The following STX7 variants were observed in gnomAD, a reference collection of about 807,000 sequenced individuals.
STX7 encodes syntaxin-7.
In STX7, 34 loss-of-function variants were observed where a neutral mutation model predicts 39.6. That is an observed-to-expected ratio of 0.86 (90% CI 0.65 to 1.14). The LOEUF is 1.14. Among genes scored for constraint, STX7 ranks in the 50% most tolerant of loss-of-function variants. STX7 has a pLI of 0.00. For missense variants in STX7, 284 were observed against 310.4 expected (o/e 0.92, Z 0.64); for synonymous variants, 119 against 99.1 (o/e 1.20, Z -1.19).
Position 132,502,145 on chromosome 6 carries a change from T to C in STX7, c.85+1301A>G, listed in dbSNP as rs373618086. ...ACCACTGTGCACAGCAGCACCTTTT[T>C]AGAGTCTAGTTTTATTCTCTTTGCT... On this transcript the variant is annotated intron_variant, in intron 2 of 9. Coordinates refer to ENST00000367941, the MANE Select transcript of STX7 (RefSeq NM_003569.3). Among the ~76,000 whole-genome samples the C allele has an allele frequency of 9.2e-5, 14 of 152,348 alleles. No individual in the cohort carries two copies. The South Asian group carries it at 2.9e-3, about 32-fold the overall frequency.
chr6:132,482,573 A>C (rs1048350148), intron 2 of STX7, among the ~76,000 whole-genome samples: 1 of 152,230 alleles, frequency 6.6e-6, no homozygotes, highest in African/African-American at 2.4e-5. Flanking sequence ...ATGTGCTAAA[A>C]GGACTGAAAG....
At chr6:132,469,379 T>G (rs565304216) in intron 7 of STX7, among the ~76,000 whole-genome samples, 2 of 152,336 alleles carry the variant, frequency 1.3e-5, no homozygotes, top group African/African-American at 4.8e-5. Flanking sequence ...AATACTAAGG[T>G]GGTCCATAGA....
chr6:132,467,151 C>T (rs181875664), intron 8 of STX7, among the ~76,000 whole-genome samples: 20 of 152,310 alleles, frequency 1.3e-4, no homozygotes, highest in Admixed American at 1.3e-3. Flanking sequence ...TCCTTGGCTT[C>T]TCATTCGTTT....
At chr6:132,504,577 G>T (rs1020673868) in intron 1 of STX7, among the ~76,000 whole-genome samples, 4 of 152,192 alleles carry the variant, frequency 2.6e-5, no homozygotes, top group African/African-American at 9.7e-5. Flanking sequence ...TGGTCAATTT[G>T]TAAGCTAGCT....
intron 2 of STX7, among the ~76,000 whole-genome samples, chr6:132,489,979 C>T (rs1775236374): frequency 6.6e-6 from 1 of 152,134 alleles, no homozygotes; most frequent in African/African-American, 2.4e-5. Flanking sequence ...ATAATTTGGA[C>T]TTCTAGATGG....
intron 2 of STX7, among the ~76,000 whole-genome samples, chr6:132,493,054 T>A (rs1165051538): frequency 6.6e-6 from 1 of 152,292 alleles, no homozygotes; most frequent in Middle Eastern, 3.4e-3. Context: ...AGTATCTTGG[T>A]GATGTCTGTG....
chr6:132,477,594 T>A (rs1774905288), intron 2 of STX7, among the ~76,000 whole-genome samples: 1 of 152,296 alleles, frequency 6.6e-6, no homozygotes, highest in South Asian at 2.1e-4. Context: ...TAAATGTTTT[T>A]ATTATATGAT....
intron 2 of STX7, among the ~76,000 whole-genome samples, chr6:132,480,541 G>A (rs1247466262): frequency 6.6e-6 from 1 of 152,170 alleles, no homozygotes; most frequent in African/African-American, 2.4e-5. Flanking sequence ...GACTACAACT[G>A]GTCATTTAGG....
intron 2 of STX7, among the ~76,000 whole-genome samples, chr6:132,500,253 C>T (rs1166883432): frequency 6.6e-6 from 1 of 152,080 alleles, no homozygotes; most frequent in East Asian, 1.9e-4. Context: ...TCCACTGCCT[C>T]TTAAAATGAA....
At chr6:132,482,796 G>A (rs1000693423) in intron 2 of STX7, among the ~76,000 whole-genome samples, 24 of 152,072 alleles carry the variant, frequency 1.6e-4, no homozygotes, top group Non-Finnish European at 7.4e-5. Context: ...AGGAAGAAAC[G>A]CCTGCTCTTT....
intron 2 of STX7, among the ~76,000 whole-genome samples, chr6:132,486,890 C>A (rs1007986724): frequency 8.5e-5 from 13 of 152,248 alleles, no homozygotes; most frequent in African/African-American, 3.1e-4. Context: ...TTGTCTTGAA[C>A]TCCCGACATC....
At chr6:132,505,973 G>T (rs966819876) in intron 1 of STX7, among the ~76,000 whole-genome samples, 17 of 151,724 alleles carry the variant, frequency 1.1e-4, no homozygotes, top group African/African-American at 4.1e-4. Context: ...TGACAAAGTT[G>T]ACAAAAACAT....
At chr6:132,471,983 G>A (rs532398152) in intron 4 of STX7, among the ~76,000 whole-genome samples, 1 of 152,304 alleles carries the variant, frequency 6.6e-6, no homozygotes, top group East Asian at 1.9e-4. Context: ...GAGCCTGCAT[G>A]TTCCACGCAG....
chr6:132,485,116 C>T (rs1402160844), intron 2 of STX7, among the ~76,000 whole-genome samples: 2 of 152,156 alleles, frequency 1.3e-5, no homozygotes, highest in African/African-American at 2.4e-5. Context: ...ACACTTAAGA[C>T]AGTTATTAGA....
At chr6:132,500,042 AAC>A (rs1775517310) in intron 2 of STX7, among the ~76,000 whole-genome samples, 1 of 151,920 alleles carries the variant, frequency 6.6e-6, no homozygotes, top group African/African-American at 2.4e-5. Flanking sequence ...CTACCTCCAA[AAC>A]ACACTCATTG....
intron 2 of STX7, among the ~76,000 whole-genome samples, chr6:132,491,448 C>T (rs1269034237): frequency 3.9e-5 from 6 of 152,124 alleles, no homozygotes; most frequent in Admixed American, 2.6e-4. Flanking sequence ...AACAGACAGA[C>T]GCAGAACACA....
intron 3 of STX7, among the ~76,000 whole-genome samples, chr6:132,474,227 C>CAAAAAA (rs67939950): frequency 3.4e-4 from 24 of 69,876 alleles, no homozygotes; most frequent in Admixed American, 8.1e-4. Flanking sequence ...GATCCTGTCT[C>CAAAAAA]AAAAAAAAAA....
chr6:132,448,101 C>T lies in STX7; in HGVS notation c.*12657G>A, dbSNP rs546770979. ...CTAAAGTCATTCATTATCTTAACTT[C>T]CATCCTAAAGAGTATCAGGATCTTG... is the stretch of plus-strand genomic sequence containing the variant. On this transcript the variant is annotated 3_prime_UTR_variant, in exon 10 of 10. Transcript: ENST00000367941. 3.3e-5 allele frequency: 5 copies of T among 152,278 alleles called. 1 individual carries two copies. Among genetic ancestry groups the T allele is most frequent in the African/African-American group, 1.2e-4 (5 of 41,560 alleles). 9.4% of individuals were successfully genotyped at this position (152,278 alleles called of 1,614,324 possible).
At chr6:132,462,172 C>T (rs980469648) in intron 9 of STX7, among the ~76,000 whole-genome samples, 2 of 152,188 alleles carry the variant, frequency 1.3e-5, no homozygotes, top group African/African-American at 2.4e-5. Flanking sequence ...CTCCCCCTAG[C>T]GTGGGGTAAT....
Sources: allele counts gnomAD v4.1 joint callset (sites outside exome capture counted in the v4.1 genomes callset), GRCh38; gene constraint gnomAD v4.1.1; transcripts MANE v1.5; gene names NCBI Gene and HGNC (gene_info 2026-07-23, HGNC 2026-07-21).